C2CD5: variants seen among roughly 807,000 people sequenced by gnomAD.
C2CD5 encodes C2 calcium dependent domain containing 5.
C2CD5 carries 109 observed loss-of-function variants against 130.3 expected under a neutral mutation model. The observed-to-expected ratio is 0.84, with a 90% CI of 0.72 to 0.98. C2CD5 has a LOEUF of 0.98. Ranked by LOEUF, C2CD5 falls within the 50% of genes least tolerant of loss-of-function variation. The pLI, the probability that C2CD5 is intolerant of heterozygous loss-of-function variation, is 0.00. For synonymous variants in C2CD5, 454 were observed against 429.2 expected, an observed-to-expected ratio of 1.06 and a Z score of -0.71; for missense variants, 996 against 1,261.8, an observed-to-expected ratio of 0.79 and a Z score of 3.19.
In C2CD5 at chr12:22,523,579, C is replaced by T; in HGVS notation, c.647G>A (p.Gly216Glu). The T allele has an allele frequency of 3.7e-6, 6 of 1,613,886 alleles. No homozygotes were observed. Among genetic ancestry groups the T allele is most frequent in the Non-Finnish European group, 5.1e-6 (6 of 1,179,988 alleles). ...KIGLKVLEMR[G>E]NAVVGYLQCF... ...CTGTAAGTACCCCACAACTGCATTT[C>T]CTCTCATTTCAAGTACTTTCAAGCC... The change falls in exon 7 of 27, where the codon GGA becomes GAA. Residue 216 changes from glycine to glutamate, a missense_variant. Transcript: ENST00000446597.
Position 22,471,562 on chromosome 12 carries a change from A to T in C2CD5, c.2269-74T>A. On this transcript the variant is annotated intron_variant, in intron 19 of 26. Transcript: ENST00000446597. Reference sequence around the variant, plus strand: ...TTAAAAGCTGATTTTTTTAATGTACATTATATTATAGCAAATGGAGAGTTA... The same window carrying T: ...TTAAAAGCTGATTTTTTTAATGTACTTTATATTATAGCAAATGGAGAGTTA... 9 of 775,090 alleles carry T rather than the reference A, an allele frequency of 1.2e-5. 1 individual carries two copies. The South Asian group carries it at 2.0e-4, about 17-fold the overall frequency. 48.0% of individuals were successfully genotyped at this position (775,090 alleles called of 1,614,324 possible).
At chr12:22,494,607 G>A (rs1017127071) in intron 10 of C2CD5, among the ~76,000 whole-genome samples, 1 of 152,028 alleles carries the variant, frequency 6.6e-6, no homozygotes, top group African/African-American at 2.4e-5. Context: ...GCCAGTTCTT[G>A]AATTAAAGTT....
chr12:22,450,143 G>A (rs913847506), intron 26 of C2CD5, among the ~76,000 whole-genome samples: 5 of 152,096 alleles, frequency 3.3e-5, no homozygotes, highest in East Asian at 1.9e-4. Context: ...AAATGACAAC[G>A]AGACACCACT....
At chr12:22,515,264 TAC>T in intron 8 of C2CD5, 1 of 242,380 alleles carries the variant, frequency 4.1e-6, no homozygotes, top group South Asian at 1.5e-4. Flanking sequence ...CTTTAAAATG[TAC>T]AGACAAATTA....
At position 22,523,574 on chromosome 12, in the gene C2CD5, C is replaced by G; in HGVS notation, c.652G>C (p.Ala218Pro). 6.2e-7 allele frequency: 1 copy of G among 1,613,856 alleles called. No individual in the cohort carries two copies. ...GLKVLEMRGN[A>P]VVGYLQCFDL... is the part of the protein sequence containing the mutation. ...AAACACTGTAAGTACCCCACAACTG[C>G]ATTTCCTCTCATTTCAAGTACTTTC... The change falls in exon 7 of 27, where the codon GCA becomes CCA. Residue 218 changes from alanine to proline, a missense_variant. Coordinates refer to ENST00000446597, the MANE Select transcript of C2CD5 (RefSeq NM_001286176.2).
chr12:22,484,825 C>T lies in C2CD5; in HGVS notation c.1422G>A (p.Met474Ile). 1 of 1,608,366 alleles carries T rather than the reference C, an allele frequency of 6.2e-7. No homozygotes were observed. Among genetic ancestry groups the T allele is most frequent in the Non-Finnish European group, 8.5e-7 (1 of 1,176,890 alleles). Residue 474 changes from methionine (M) to isoleucine (I), a missense_variant, in exon 13 of 27, where the codon ATG becomes ATA. Met to Ile is a conservative substitution (Grantham distance 10). This residue lies in a region of C2CD5 where 590 missense variants were observed against 631.4 expected (regional missense o/e 0.93). Transcript: ENST00000446597. ...AATATGTGAGATGAGCTGGAAATGG[C>T]ATATTCAGTTCATCATATGGTATAT... is the stretch of plus-strand genomic sequence containing the variant. The part of the protein sequence containing the change: ...FCHIPYDELN[M>I]PFPAHLTYCY...
At chr12:22,490,071 G>T (rs574262905) in intron 12 of C2CD5, 52 bp downstream of exon 12, 3 of 1,358,018 alleles carry the variant, frequency 2.2e-6, no homozygotes, top group Admixed American at 1.7e-5. Context: ...AAAAAAAGTC[G>T]ACCTCTCCCT....
intron 13 of C2CD5, among the ~76,000 whole-genome samples, chr12:22,484,082 G>A (rs1945115859): frequency 6.6e-6 from 1 of 152,136 alleles, no homozygotes; most frequent in Admixed American, 6.5e-5. Context: ...AGTCATCAAG[G>A]AGGATGAAGA....
chr12:22,496,526 TTAAA>T (rs1947040355), intron 10 of C2CD5, among the ~76,000 whole-genome samples: 1 of 151,666 alleles, frequency 6.6e-6, no homozygotes, highest in Non-Finnish European at 1.5e-5. Context: ...TTAATAAACA[TTAAA>T]TAAACATTTC....
At chr12:22,543,208 G>C (rs1322468961) in intron 2 of C2CD5, among the ~76,000 whole-genome samples, 1 of 152,144 alleles carries the variant, frequency 6.6e-6, no homozygotes, top group Non-Finnish European at 1.5e-5. Context: ...CTAATGCTCT[G>C]GCTCATCACG....
intron 10 of C2CD5, among the ~76,000 whole-genome samples, chr12:22,503,205 C>T (rs949482383): frequency 1.3e-5 from 2 of 152,040 alleles, no homozygotes; most frequent in Non-Finnish European, 2.9e-5. Flanking sequence ...CCATATTCAC[C>T]GGTCAAAAAA....
chr12:22,455,368 C>G (rs953108360), intron 25 of C2CD5, among the ~76,000 whole-genome samples: 1 of 152,118 alleles, frequency 6.6e-6, no homozygotes, highest in African/African-American at 2.4e-5. Context: ...TATGGTGCTA[C>G]ACAATTATTA....
chr12:22,482,771 G>T (rs1284280369), intron 13 of C2CD5, 28 bp from the exon 14 acceptor site: 1 of 1,535,418 alleles, frequency 6.5e-7, no homozygotes, highest in African/African-American at 1.4e-5. Flanking sequence ...TCAGTGAACA[G>T]TATTCTTGGT....
At chr12:22,532,720 T>C (rs561956281) in intron 3 of C2CD5, among the ~76,000 whole-genome samples, 1 of 152,332 alleles carries the variant, frequency 6.6e-6, no homozygotes, top group Non-Finnish European at 1.5e-5. Context: ...TTCCCCAGCA[T>C]GATCAAAGCA....
At chr12:22,449,983 CACAGGCTTCTAAATCATTAGGATAA>C (rs1320648153) in intron 26 of C2CD5, 92 bp from the exon 27 acceptor site, 1 of 965,622 alleles carries the variant, frequency 1.0e-6, no homozygotes, top group Non-Finnish European at 1.5e-6. Context: ...AGCCAAAAAA[CACAGGCTTCTAAATCATTAGGATAA>C]AGATAGGCAA....
chr12:22,532,634 A>C (rs933284968), intron 3 of C2CD5, among the ~76,000 whole-genome samples: 2 of 152,226 alleles, frequency 1.3e-5, no homozygotes, highest in African/African-American at 4.8e-5. Flanking sequence ...TCACGGTCCT[A>C]ATATAAACCA....
In C2CD5 at chr12:22,472,764, G is replaced by A; in HGVS notation, c.2087C>T (p.Thr696Ile). 6.3e-7 allele frequency: 1 copy of A among 1,582,542 alleles called. No homozygotes were observed. Among genetic ancestry groups the A allele is most frequent in the Non-Finnish European group, 8.7e-7 (1 of 1,151,778 alleles). Residue 696 changes from threonine to isoleucine, a missense_variant, in exon 17 of 27, where the codon ACT becomes ATT. By Grantham distance (89) the Thr-to-Ile change is moderately conservative. Around this residue, in one of 9 missense-constraint regions of C2CD5, gnomAD observed 590 missense variants for 631.4 expected, o/e 0.93. Coordinates refer to ENST00000446597, the MANE Select transcript of C2CD5 (RefSeq NM_001286176.2). ...DAMEDVHSLL[T>I]DVPPPSGFYS... is the part of the protein sequence containing the mutation. ...TTCACCTGAAGGAGGAGGAACATCA[G>A]TAAGTAGAGAATGGACATCTTCCAT...
intron 12 of C2CD5, among the ~76,000 whole-genome samples, chr12:22,487,765 C>A (rs569458878): frequency 6.6e-6 from 1 of 151,826 alleles, no homozygotes; most frequent in Non-Finnish European, 1.5e-5. Flanking sequence ...ATGTTTATTG[C>A]GGCACTATTC....
intron 21 of C2CD5, 111 bp downstream of exon 21, chr12:22,470,713 A>G: frequency 1.5e-6 from 1 of 659,590 alleles, no homozygotes; most frequent in Non-Finnish European, 2.6e-6. Context: ...AAAGCAGCAA[A>G]TATTCTTCAA....
Sources: gnomAD v4.1 joint callset for allele counts (sites outside exome capture counted in the v4.1 genomes callset) on GRCh38, gnomAD v4.1.1 for gene constraint, gnomAD v4.1.1 regional missense constraint, MANE v1.5 for transcripts, NCBI Gene and HGNC (gene_info 2026-07-23, HGNC 2026-07-21) for gene names.